SCAPER: variants seen among roughly 807,000 people sequenced by gnomAD.
SCAPER encodes S-phase cyclin A associated protein in the ER, also known as S phase cyclin A-associated protein in the endoplasmic reticulum.
SCAPER carries 98 observed loss-of-function variants against 182.2 expected under a neutral mutation model. That is an observed-to-expected ratio of 0.54 (90% CI 0.46 to 0.64). The LOEUF (loss-of-function observed/expected upper bound fraction) is 0.64, where lower values mean the gene tolerates loss of function less well. Among genes scored for constraint, SCAPER ranks in the 30% least tolerant of loss-of-function variants. SCAPER has a pLI of 0.00. For missense variants in SCAPER, 1,432 were observed against 1,690.0 expected, an observed-to-expected ratio of 0.85 and a Z score of 2.68; for synonymous variants, 605 against 564.6, an observed-to-expected ratio of 1.07 and a Z score of -1.01.
At chr15:76,622,169 T>A (rs180979536) in intron 21 of SCAPER, among the ~76,000 whole-genome samples, 9 of 152,298 alleles carry the variant, frequency 5.9e-5, no homozygotes, top group Admixed American at 5.2e-4. Context: ...CCTTTCTAAC[T>A]AGGCTCCGGC....
intron 25 of SCAPER, among the ~76,000 whole-genome samples, chr15:76,469,553 T>G (rs2049965507): frequency 6.6e-6 from 1 of 152,180 alleles, no homozygotes; most frequent in South Asian, 2.1e-4. Flanking sequence ...GTGTCCTTAG[T>G]CTCCTCCATT....
At chr15:76,375,376 C>CA (rs1003105914) in intron 29 of SCAPER, among the ~76,000 whole-genome samples, 2 of 151,842 alleles carry the variant, frequency 1.3e-5, no homozygotes, top group African/African-American at 4.8e-5. Context: ...CCTACCCTCT[C>CA]AGCCTCTCAC....
chr15:76,855,219 C>T lies in SCAPER; in HGVS notation c.195+2590G>A, dbSNP rs367937594. ...AAATGGTGTTGAGATAACTGGGTAG[C>T]CATATGCAGAAGACTGAAACTAGTT... is the stretch of plus-strand genomic sequence containing the variant. On this transcript the variant is annotated intron_variant, in intron 4 of 31. Transcript: ENST00000563290. Among the ~76,000 whole-genome samples the T allele has an allele frequency of 1.6e-4, 25 of 152,056 alleles. 1 individual carries two copies. In the East Asian group the frequency reaches 4.6e-3, roughly 28 times the overall value.
chr15:76,353,852 G>A, intron 30 of SCAPER, 97 bp downstream of exon 30: 2 of 1,035,710 alleles, frequency 1.9e-6, no homozygotes, highest in South Asian at 4.5e-5. Flanking sequence ...TTAAAAGGTA[G>A]TATGGAAGGC....
chr15:76,667,887 CA>C (rs1245057924), intron 20 of SCAPER, among the ~76,000 whole-genome samples: 1 of 151,544 alleles, frequency 6.6e-6, no homozygotes, highest in Non-Finnish European at 1.5e-5. Context: ...TGCTTGAACC[CA>C]GAAGGCAGAG....
chr15:76,749,899 G>A (rs2629034), intron 15 of SCAPER, among the ~76,000 whole-genome samples: 23,311 of 151,444 alleles, frequency 0.15, 2,018 homozygotes, highest in African/African-American at 0.24. Context: ...AACTTATATG[G>A]AATACAAAGG....
chr15:76,478,725 A>T (rs969903250), intron 24 of SCAPER, among the ~76,000 whole-genome samples: 1 of 152,160 alleles, frequency 6.6e-6, no homozygotes, highest in African/African-American at 2.4e-5. Flanking sequence ...ATCAGACTCT[A>T]ATTGATAACT....
rs776289680 is a variant in SCAPER at position 76,404,644 on chromosome 15, C to T, written c.3347G>A (p.Cys1116Tyr). 32 of 1,612,916 alleles carry T rather than the reference C, an allele frequency of 2.0e-5. No individual in the cohort carries two copies. The highest frequency in any genetic ancestry group is 3.3e-5 in the Admixed American group (2 of 59,920). Residue 1116 changes from cysteine to tyrosine, a missense_variant, in exon 27 of 32, where the codon TGT (cysteine) becomes TAT (tyrosine). This residue lies in a region of SCAPER where 718 missense variants were observed against 799.7 expected (regional missense o/e 0.90). Coordinates refer to ENST00000563290, the MANE Select transcript of SCAPER (RefSeq NM_020843.4). ...GCCTTGCACCGAGAGGAAGCAGGCA[C>T]ACAGTTTGTCAATCAGACCCATGTT... is the stretch of plus-strand genomic sequence containing the variant. ...VVNMGLIDKL[C>Y]ACFLSVQGPV...
chr15:76,730,035 G>A (rs2060827886), intron 16 of SCAPER, among the ~76,000 whole-genome samples: 1 of 152,028 alleles, frequency 6.6e-6, no homozygotes, highest in African/African-American at 2.4e-5. Context: ...AAGAGCCTCA[G>A]TTGATTGTGA....
In SCAPER at chr15:76,632,414, C is replaced by A. The variant is rs2053196591; in HGVS notation, c.2646-10585G>T. On this transcript the variant is annotated intron_variant, in intron 21 of 31. Coordinates refer to ENST00000563290, the MANE Select transcript of SCAPER (RefSeq NM_020843.4). ...TTCACAGTGTCAGCCAGGATGGTCT[C>A]AATCTCCTGACTTTGTGATCCACCC... Among the ~76,000 whole-genome samples, 7 of 152,172 alleles carry A rather than the reference C, an allele frequency of 4.6e-5. No homozygotes were observed. In the South Asian group the frequency reaches 1.2e-3, roughly 27 times the overall value.
At chr15:76,678,905 T>G (rs1220421789) in intron 20 of SCAPER, among the ~76,000 whole-genome samples, 1 of 152,122 alleles carries the variant, frequency 6.6e-6, no homozygotes, top group Non-Finnish European at 1.5e-5. Context: ...CTGCTTAAGT[T>G]AAGGAGGAAT....
At chr15:76,492,974 T>G (rs1197061159) in intron 24 of SCAPER, among the ~76,000 whole-genome samples, 1 of 151,722 alleles carries the variant, frequency 6.6e-6, no homozygotes, top group Non-Finnish European at 1.5e-5. Context: ...TGATGACTAG[T>G]GCAAACCTAC....
At chr15:76,593,259 C>A (rs1480560056) in intron 22 of SCAPER, among the ~76,000 whole-genome samples, 1 of 121,336 alleles carries the variant, frequency 8.2e-6, no homozygotes, top group African/African-American at 2.5e-5. Context: ...TATAGCCAGA[C>A]TGCCTCTCTA....
intron 21 of SCAPER, among the ~76,000 whole-genome samples, chr15:76,634,646 C>T (rs2053440536): frequency 6.6e-6 from 1 of 152,134 alleles, no homozygotes; most frequent in African/African-American, 2.4e-5. Context: ...TTCCAACATA[C>T]AAGTCTTACA....
chr15:76,711,162 T>C (rs950548187), intron 17 of SCAPER, among the ~76,000 whole-genome samples: 8 of 152,178 alleles, frequency 5.3e-5, no homozygotes, highest in African/African-American at 1.7e-4. Flanking sequence ...TTCTTAGATA[T>C]GAAAACCATT....
chr15:76,551,686 TAGA>T (rs1457313537), intron 23 of SCAPER, among the ~76,000 whole-genome samples: 2 of 152,134 alleles, frequency 1.3e-5, no homozygotes, highest in African/African-American at 2.4e-5. Flanking sequence ...TCAAAATTAG[TAGA>T]AGATTTTGAT....
chr15:76,817,541 A>G (rs1598898704), intron 5 of SCAPER, among the ~76,000 whole-genome samples: 1 of 152,196 alleles, frequency 6.6e-6, no homozygotes, highest in Admixed American at 6.5e-5. Context: ...ATTGTATACT[A>G]AAAATTCACT....
rs2040320799 is a variant in SCAPER at position 76,348,581 on chromosome 15, G to T, written c.*52C>A. The stretch of plus-strand genomic sequence containing the variant: ...AAGGAACAATTAGAATGTTTGTTTG[G>T]ACAATTTAAAATATTAACAAGGGTA... On this transcript the variant is annotated 3_prime_UTR_variant, in exon 32 of 32. Coordinates refer to ENST00000563290, the MANE Select transcript of SCAPER (RefSeq NM_020843.4). 1 of 1,238,470 alleles carries T rather than the reference G, an allele frequency of 8.1e-7. No homozygotes were observed. Among genetic ancestry groups the T allele is most frequent in the South Asian group, 1.4e-5 (1 of 70,824 alleles). 76.7% of individuals were successfully genotyped at this position (1,238,470 alleles called of 1,614,324 possible). A position where few individuals can be genotyped will look rare whatever the true frequency, so the allele number is the denominator to read the frequency against.
intron 14 of SCAPER, among the ~76,000 whole-genome samples, chr15:76,759,248 A>G (rs1422376899): frequency 6.6e-6 from 1 of 152,114 alleles, no homozygotes; most frequent in Non-Finnish European, 1.5e-5. Context: ...CTATAACAGA[A>G]TATCAGAAAC....
Sources: allele counts gnomAD v4.1 joint callset (sites outside exome capture counted in the v4.1 genomes callset), GRCh38; gene constraint gnomAD v4.1.1; regional missense constraint gnomAD v4.1.1; transcripts MANE v1.5; gene names NCBI Gene and HGNC (gene_info 2026-07-23, HGNC 2026-07-21).